Variants in ATF3 observed in about 807,000 individuals in gnomAD.
ATF3 encodes cyclic AMP-dependent transcription factor ATF-3.
ATF3 carries 10 observed loss-of-function variants against 18.4 expected under a neutral mutation model. The ratio of observed to expected loss-of-function variants is 0.54; its 90% CI spans 0.34 to 0.92. ATF3 has a LOEUF of 0.92. ATF3 is among the 40% of genes least tolerant of loss of function. The pLI, the probability that ATF3 is intolerant of heterozygous loss-of-function variation, is 0.02. For missense variants in ATF3, 183 were observed against 222.3 expected (o/e 0.82, Z 1.12); for synonymous variants, 78 against 87.9 (o/e 0.89, Z 0.63).
At chr1:212,594,302 T>C (rs937053846) in intron 1 of ATF3, among the ~76,000 whole-genome samples, 2 of 152,226 alleles carry the variant, frequency 1.3e-5, no homozygotes, top group Admixed American at 1.3e-4. Context: ...CTAGAATATG[T>C]TTTATTGCAA....
intron 1 of ATF3, among the ~76,000 whole-genome samples, chr1:212,612,498 T>C (rs1654937427): frequency 1.3e-5 from 2 of 152,138 alleles, no homozygotes; most frequent in South Asian, 4.1e-4. Context: ...TTTAATAAAC[T>C]TGGAAAGGGA....
chr1:212,596,701 C>T (rs1212930992), intron 1 of ATF3, among the ~76,000 whole-genome samples: 1 of 152,180 alleles, frequency 6.6e-6, no homozygotes, highest in South Asian at 2.1e-4. Flanking sequence ...AGGCCAATGC[C>T]AAGGGGGAAA....
At chr1:212,585,512 G>A (rs375480834) in intron 1 of ATF3, among the ~76,000 whole-genome samples, 7 of 152,340 alleles carry the variant, frequency 4.6e-5, no homozygotes, top group South Asian at 4.1e-4. Flanking sequence ...CCCATCTGAT[G>A]TAGGGGCTTG....
intron 1 of ATF3, among the ~76,000 whole-genome samples, chr1:212,578,585 T>TA (rs1208273313): frequency 2.0e-5 from 3 of 152,028 alleles, no homozygotes; most frequent in Admixed American, 6.6e-5. Context: ...ATTTCTGAGG[T>TA]TTTTTTTAGT....
chr1:212,566,056 T>C (rs1353820273), intron 1 of ATF3, among the ~76,000 whole-genome samples: 1 of 152,174 alleles, frequency 6.6e-6, no homozygotes, highest in African/African-American at 2.4e-5. Flanking sequence ...GAGCTGGTTC[T>C]TCCTGTGTTT....
intron 1 of ATF3, among the ~76,000 whole-genome samples, chr1:212,610,069 G>A (rs1009898669): frequency 6.6e-6 from 1 of 152,210 alleles, no homozygotes; most frequent in African/African-American, 2.4e-5. Context: ...GTGGGGGAAA[G>A]GGGACTTTTC....
upstream of ATF3, among the ~76,000 whole-genome samples, chr1:212,604,712 G>C (rs1282441434): frequency 1.3e-5 from 2 of 152,152 alleles, no homozygotes; most frequent in African/African-American, 4.8e-5. Flanking sequence ...GGCTTTGGCA[G>C]AGGGTCCCCA....
At chr1:212,573,218 G>C (rs1664516160) in intron 1 of ATF3, among the ~76,000 whole-genome samples, 1 of 152,050 alleles carries the variant, frequency 6.6e-6, no homozygotes, top group Non-Finnish European at 1.5e-5. Flanking sequence ...TATTGCCTTA[G>C]TATTTCATCC....
In ATF3 at chr1:212,619,525, A is replaced by G. The variant is rs764530278; in HGVS notation, c.516A>G (p.Gln172=). ...TPEDERNLFI[Q]QIKEGTLQS ...AAGATGAGAGAAACCTCTTTATCCAACAGATAAAAGAAGGAACATTGCAGA... is the reference window on the plus strand; with the variant it reads ...AAGATGAGAGAAACCTCTTTATCCAGCAGATAAAAGAAGGAACATTGCAGA... Residue 172 remains glutamine, a synonymous_variant, in exon 4 of 4, where the codon CAA becomes CAG. Transcript: ENST00000341491. The surrounding 1 kb of genome is among the most constrained non-coding windows in gnomAD (Gnocchi z 4.4). The G allele has an allele frequency of 6.2e-7, 1 of 1,614,202 alleles. No homozygotes were observed. Among genetic ancestry groups the G allele is most frequent in the South Asian group, 1.1e-5 (1 of 91,086 alleles).
intron 1 of ATF3, among the ~76,000 whole-genome samples, chr1:212,579,006 C>CTTTT (rs10565752): frequency 4.7e-5 from 4 of 84,532 alleles, no homozygotes; most frequent in South Asian, 4.0e-4. Flanking sequence ...TCTCTGGAGA[C>CTTTT]TTTTTTTTTT....
In ATF3 at chr1:212,619,161, C is replaced by T. The variant is rs924742366; in HGVS notation, c.349-197C>T. 2 of 1,613,590 alleles carry T rather than the reference C, an allele frequency of 1.2e-6. No homozygotes were observed. The highest frequency in any genetic ancestry group is 1.3e-5 in the African/African-American group (1 of 74,908). ...GAGCCACAGGCCGCCTCTGTGGCAT[C>T]ACCAGGGTTTCTCTGAAGAAGAGGG... is the stretch of plus-strand genomic sequence containing the variant. On this transcript the variant is annotated intron_variant, in intron 3 of 3. Transcript: ENST00000341491. This position sits in a 1 kb window ranked among gnomAD's most constrained non-coding sequence, Gnocchi z 4.4.
intron 1 of ATF3, among the ~76,000 whole-genome samples, chr1:212,566,721 G>A (rs1000087672): frequency 6.6e-6 from 1 of 152,210 alleles, no homozygotes; most frequent in African/African-American, 2.4e-5. Flanking sequence ...TCACAAAAGT[G>A]TCTGAGGGGG....
intron 1 of ATF3, among the ~76,000 whole-genome samples, chr1:212,572,398 T>TC (rs1664501523): frequency 7.3e-6 from 1 of 136,138 alleles, no homozygotes. Flanking sequence ...ATGCCTGTAA[T>TC]CCCAGCTACT....
intron 1 of ATF3, among the ~76,000 whole-genome samples, chr1:212,576,721 C>CTTTTTTTTTTTTTTTTTTTT (rs57512671): frequency 2.8e-4 from 16 of 57,302 alleles, no homozygotes; most frequent in South Asian, 8.0e-4. Flanking sequence ...CTTTTCTTTT[C>CTTTTTTTTTTTTTTTTTTTT]TTTTTTTTTT....
At chr1:212,580,363 C>T (rs1354080001) in intron 1 of ATF3, among the ~76,000 whole-genome samples, 1 of 150,034 alleles carries the variant, frequency 6.7e-6, no homozygotes, top group Non-Finnish European at 1.5e-5. Context: ...TGCTCTGTTG[C>T]CCGTGCAGTG....
Position 212,618,820 on chromosome 1 carries a change from G to C in ATF3, c.349-538G>C. 1.6e-6 allele frequency: 1 copy of C among 614,852 alleles called. No individual in the cohort carries two copies. Among genetic ancestry groups the C allele is most frequent in the East Asian group, 2.9e-5 (1 of 34,626 alleles). 38.1% of individuals were successfully genotyped at this position (614,852 alleles called of 1,614,324 possible). The stretch of plus-strand genomic sequence containing the variant: ...GCAGGGTGGCCGGTGGTGCTCAGCA[G>C]TCTTTCCAGTGGCTGTGTCCCTCCT... On this transcript the variant is annotated intron_variant, in intron 3 of 3. Coordinates refer to ENST00000341491, the MANE Select transcript of ATF3 (RefSeq NM_001674.4). This position sits in a 1 kb window ranked among gnomAD's most constrained non-coding sequence, Gnocchi z 4.4.
intron 1 of ATF3, among the ~76,000 whole-genome samples, chr1:212,613,078 G>A (rs1055339889): frequency 6.6e-6 from 1 of 152,138 alleles, no homozygotes; most frequent in African/African-American, 2.4e-5. Flanking sequence ...GGAGTAAGTG[G>A]GCTTCAAATC....
At chr1:212,571,395 C>A (rs1215576993) in intron 1 of ATF3, among the ~76,000 whole-genome samples, 1 of 151,796 alleles carries the variant, frequency 6.6e-6, no homozygotes, top group African/African-American at 2.4e-5. Context: ...TTAAATAATA[C>A]TTTTATTATT....
chr1:212,617,714 A>G (rs188081774), intron 2 of ATF3, among the ~76,000 whole-genome samples: 6 of 152,314 alleles, frequency 3.9e-5, no homozygotes, highest in East Asian at 1.9e-4. Flanking sequence ...GTGGGTGGCT[A>G]GGTAATGATC....
Sources: gnomAD v4.1 joint callset for allele counts (sites outside exome capture counted in the v4.1 genomes callset) on GRCh38, gnomAD v4.1.1 for gene constraint, Gnocchi (gnomAD v3.1) non-coding constraint, MANE v1.5 for transcripts, NCBI Gene and HGNC (gene_info 2026-07-23, HGNC 2026-07-21) for gene names.